Variants in AKR1D1 observed in about 807,000 individuals in gnomAD.
AKR1D1 encodes delta(4)-3-ketosteroid 5-beta-reductase.
A neutral mutation model predicts 42.6 loss-of-function variants in AKR1D1; 32 were observed. The ratio of observed to expected loss-of-function variants is 0.75; its 90% CI spans 0.57 to 1.01. The LOEUF is 1.01. AKR1D1 is among the 50% of genes least tolerant of loss of function. The probability of loss-of-function intolerance (pLI) is 0.00; values close to 1 mark genes in which losing one functional copy is unlikely to be tolerated. For synonymous variants in AKR1D1, 123 were observed against 135.5 expected (o/e 0.91, Z 0.64); for missense variants, 364 against 402.2 (o/e 0.91, Z 0.81).
chr7:138,100,005 G>T (rs73155745), intron 4 of AKR1D1, among the ~76,000 whole-genome samples: 22,633 of 143,412 alleles, frequency 0.16, 1,806 homozygotes, highest in South Asian at 0.21. Flanking sequence ...TTGAGGCCAA[G>T]AGTTCAAGGC....
intron 1 of AKR1D1, among the ~76,000 whole-genome samples, chr7:138,086,373 A>G (rs1803179538): frequency 6.6e-6 from 1 of 152,112 alleles, no homozygotes; most frequent in Non-Finnish European, 1.5e-5. Context: ...TTTTGACTCA[A>G]TTACTGTCCA....
chr7:138,094,674 C>T (rs1054456336), intron 3 of AKR1D1, among the ~76,000 whole-genome samples: 20 of 152,158 alleles, frequency 1.3e-4, no homozygotes, highest in Non-Finnish European at 4.4e-5. Context: ...TGCCACCACA[C>T]TCACCTAATT....
chr7:138,107,652 A>T (rs1794461008), intron 7 of AKR1D1, 72 bp downstream of exon 7: 2 of 1,525,894 alleles, frequency 1.3e-6, no homozygotes, highest in Non-Finnish European at 1.8e-6. Context: ...GAATGTGTTC[A>T]GCTTAATAGG....
At position 138,097,963 on chromosome 7, in the gene AKR1D1, T is replaced by C. The variant is rs1794216856; in HGVS notation, c.456+20T>C. Reference sequence around the variant, plus strand: ...TGGGAGGTAAGTTCAAATGTGCTTCTTATTTTAAAAGACGATATTTTTAAA... The same window carrying C: ...TGGGAGGTAAGTTCAAATGTGCTTCCTATTTTAAAAGACGATATTTTTAAA... On this transcript the variant is annotated intron_variant, in intron 4 of 8. Coordinates refer to ENST00000242375, the MANE Select transcript of AKR1D1 (RefSeq NM_005989.4). 5.7e-6 allele frequency: 9 copies of C among 1,578,514 alleles called. No homozygotes were observed. The highest frequency in any genetic ancestry group is 7.8e-6 in the Non-Finnish European group (9 of 1,147,946).
At position 138,117,679 on chromosome 7, in the gene AKR1D1, T is replaced by C. The variant is rs953809214; in HGVS notation, c.*1017T>C. 1 of 152,254 alleles carries C rather than the reference T, an allele frequency of 6.6e-6. No individual in the cohort carries two copies. Among genetic ancestry groups the C allele is most frequent in the Non-Finnish European group, 1.5e-5 (1 of 68,050 alleles). 9.4% of individuals were successfully genotyped at this position (152,254 alleles called of 1,614,324 possible). On this transcript the variant is annotated 3_prime_UTR_variant, in exon 9 of 9. Coordinates refer to ENST00000242375, the MANE Select transcript of AKR1D1 (RefSeq NM_005989.4). ...CAATTTAAAGAGTGAATAAGATTAT[T>C]AGAATTCAGCAATAGAGATATATCT... is the stretch of plus-strand genomic sequence containing the variant.
chr7:138,084,669 G>A (rs149996172), intron 1 of AKR1D1, among the ~76,000 whole-genome samples: 145 of 152,036 alleles, frequency 9.5e-4, no homozygotes, highest in Non-Finnish European at 1.9e-3. Flanking sequence ...CATTTATGTG[G>A]TATCCTATTT....
intron 5 of AKR1D1, among the ~76,000 whole-genome samples, chr7:138,106,326 A>G (rs1394221658): frequency 6.6e-6 from 1 of 152,192 alleles, no homozygotes; most frequent in Non-Finnish European, 1.5e-5. Context: ...TTCATAATGG[A>G]AAAAAATGGA....
chr7:138,097,842 T>G, intron 3 of AKR1D1, 24 bp from the exon 4 acceptor site: 1 of 1,446,592 alleles, frequency 6.9e-7, no homozygotes, highest in Non-Finnish European at 9.3e-7. Context: ...TGAATTACAT[T>G]TATTCTTTTT....
chr7:138,105,233 C>A, intron 4 of AKR1D1, 74 bp from the exon 5 acceptor site: 1 of 1,602,584 alleles, frequency 6.2e-7, no homozygotes. Context: ...AAAGAATTCA[C>A]AGTCACCCTT....
intron 7 of AKR1D1, among the ~76,000 whole-genome samples, chr7:138,111,300 T>A (rs1281359546): frequency 1.3e-5 from 2 of 152,212 alleles, no homozygotes; most frequent in East Asian, 3.8e-4. Context: ...ACTTCTCTCT[T>A]CTGTTTCAAA....
At chr7:138,078,729 G>A (rs1802991721) in intron 1 of AKR1D1, among the ~76,000 whole-genome samples, 1 of 152,320 alleles carries the variant, frequency 6.6e-6, no homozygotes, top group Non-Finnish European at 1.5e-5. Flanking sequence ...TGGGGTACAA[G>A]CTATGGAGAA....
At chr7:138,092,012 C>G (rs1392681322) in intron 3 of AKR1D1, 128 bp downstream of exon 3, 3 of 620,372 alleles carry the variant, frequency 4.8e-6, no homozygotes, top group Non-Finnish European at 8.6e-6. Flanking sequence ...GAGCCAATAG[C>G]TATGTGCATG....
chr7:138,082,942 T>A (rs1803087943), intron 1 of AKR1D1, among the ~76,000 whole-genome samples: 1 of 152,226 alleles, frequency 6.6e-6, no homozygotes, highest in South Asian at 2.1e-4. Context: ...ATCTTAGCTA[T>A]TGTGAATAAT....
At chr7:138,098,191 C>G in intron 4 of AKR1D1, 1 of 449,650 alleles carries the variant, frequency 2.2e-6, no homozygotes, top group Non-Finnish European at 3.9e-6. Context: ...ACAGTGTAAA[C>G]AAAATATGTT....
At chr7:138,077,130 G>T (rs940485378) in intron 1 of AKR1D1, among the ~76,000 whole-genome samples, 4 of 152,112 alleles carry the variant, frequency 2.6e-5, no homozygotes, top group South Asian at 2.1e-4. Context: ...TGCTATTCTA[G>T]AACTCTCTGT....
At position 138,100,088 on chromosome 7, in the gene AKR1D1, C is replaced by CAAAA. The variant is rs59361346; in HGVS notation, c.456+2172_456+2175dup. ...TGGGCAATATAGCGAGATTTCATCT[C>CAAAA]AAAAAAAAAAAAAAAAAAAAAAAAA... On this transcript the variant is annotated intron_variant, in intron 4 of 8. Coordinates refer to ENST00000242375, the MANE Select transcript of AKR1D1 (RefSeq NM_005989.4). Among the ~76,000 whole-genome samples, 248 of 43,548 alleles carry CAAAA rather than the reference C, an allele frequency of 5.7e-3. 19 individuals are homozygous for CAAAA. Among genetic ancestry groups the CAAAA allele is most frequent in the Non-Finnish European group, 6.8e-3 (180 of 26,504 alleles). The allele number at this position is 43,548 out of a possible 152,430, so 28.6% of individuals were successfully genotyped here. A position where few individuals can be genotyped will look rare whatever the true frequency, so the allele number is the denominator to read the frequency against.
At chr7:138,076,724 T>C in intron 1 of AKR1D1, 113 bp downstream of exon 1, 1 of 857,032 alleles carries the variant, frequency 1.2e-6, no homozygotes, top group Non-Finnish European at 1.9e-6. Context: ...TTTGTAGTAA[T>C]GGAAGCAACC....
intron 2 of AKR1D1, chr7:138,091,205 T>A (rs879587831): frequency 1.9e-5 from 3 of 159,736 alleles, no homozygotes; most frequent in African/African-American, 7.2e-5. Flanking sequence ...TCTCTTGTGG[T>A]AGATTTGCAT....
chr7:138,106,797 T>C, intron 6 of AKR1D1, 80 bp downstream of exon 6: 2 of 1,160,042 alleles, frequency 1.7e-6, no homozygotes, highest in Middle Eastern at 1.9e-4. Context: ...TTGGAATGCC[T>C]TTTGGTTTGC....
Sources: gnomAD v4.1 joint callset for allele counts (sites outside exome capture counted in the v4.1 genomes callset) on GRCh38, gnomAD v4.1.1 for gene constraint, MANE v1.5 for transcripts, NCBI Gene and HGNC (gene_info 2026-07-23, HGNC 2026-07-21) for gene names.